Variants in KDM4B observed in about 807,000 individuals in gnomAD.
KDM4B encodes lysine demethylase 4B.
KDM4B carries 32 observed loss-of-function variants against 125.2 expected under a neutral mutation model. The observed-to-expected ratio is 0.26, with a 90% CI of 0.19 to 0.34. The LOEUF (loss-of-function observed/expected upper bound fraction) is 0.34. KDM4B is among the 10% of genes least tolerant of loss of function. The pLI is 1.00. For missense variants in KDM4B, 1,190 were observed against 1,577.7 expected (o/e 0.75, Z 4.16); for synonymous variants, 721 against 677.9 (o/e 1.06, Z -0.99).
At position 4,981,682 on chromosome 19, in the gene KDM4B, C is replaced by T. The variant is rs147687106; in HGVS notation, c.-109+12452C>T. ...AGCAGGTGACACTGCCAGGCACCGGCGGTGCTGTACAGTCAGCCCAGTGCC... is the reference window on the plus strand; with the variant it reads ...AGCAGGTGACACTGCCAGGCACCGGTGGTGCTGTACAGTCAGCCCAGTGCC... On this transcript the variant is annotated intron_variant, in intron 1 of 22. Coordinates refer to ENST00000159111, the MANE Select transcript of KDM4B (RefSeq NM_015015.3). 6.5e-3 allele frequency among the ~76,000 whole-genome samples: 988 copies of T among 152,280 alleles called. 11 individuals carry two copies. The highest frequency in any genetic ancestry group is 0.022 in the African/African-American group (932 of 41,552).
intron 3 of KDM4B, among the ~76,000 whole-genome samples, chr19:5,034,596 T>A (rs962494615): frequency 5.3e-5 from 8 of 152,206 alleles, no homozygotes; most frequent in African/African-American, 1.9e-4. Context: ...AGGGGCTGAT[T>A]CGGCCCGAGG....
At chr19:5,132,134 G>C in intron 13 of KDM4B, 127 bp downstream of exon 13, 1 of 1,205,272 alleles carries the variant, frequency 8.3e-7, no homozygotes, top group South Asian at 1.6e-5. Context: ...CTGAACCCAG[G>C]CCTTTCTGTG....
chr19:5,027,518 C>A (rs1053046885), intron 2 of KDM4B, among the ~76,000 whole-genome samples: 1 of 151,792 alleles, frequency 6.6e-6, no homozygotes, highest in African/African-American at 2.4e-5. Flanking sequence ...CATTCTTCCT[C>A]CCTCCCTTTC....
In KDM4B at chr19:5,060,433, C is replaced by CAAAAAAAAAAA. The variant is rs901472663; in HGVS notation, c.627-10557_627-10547dup. Among the ~76,000 whole-genome samples the CAAAAAAAAAAA allele has an allele frequency of 2.7e-3, 90 of 32,976 alleles. 14 individuals are homozygous for CAAAAAAAAAAA. The highest frequency in any genetic ancestry group is 0.019 in the East Asian group (12 of 634). 21.6% of individuals were successfully genotyped at this position (32,976 alleles called of 152,430 possible). A position where few individuals can be genotyped will look rare whatever the true frequency, so the allele number is the denominator to read the frequency against. On this transcript the variant is annotated intron_variant, in intron 6 of 22. Transcript: ENST00000159111. ...GGGTGACGGAGGAAGACTCTGTCTC[C>CAAAAAAAAAAA]AAAAAAAAAAAAAAAAAAAAAAAAA...
chr19:5,103,827 C>T (rs1340409059), intron 9 of KDM4B, among the ~76,000 whole-genome samples: 1 of 152,254 alleles, frequency 6.6e-6, no homozygotes, highest in Non-Finnish European at 1.5e-5. Context: ...GAGGCTCGCT[C>T]CACACCCTGT....
chr19:5,131,668 G>GAGGGGGCAGGTGGGGCCCAGGGGA, intron 12 of KDM4B, 123 bp downstream of exon 12: 1 of 645,938 alleles, frequency 1.5e-6, no homozygotes, highest in Non-Finnish European at 2.6e-6. Flanking sequence ...GGGACAGGAG[G>GAGGGGGCAGGTGGGGCCCAGGGGA]GCTGACTGCT....
chr19:5,127,975 CTG>C (rs1420910393), intron 11 of KDM4B, among the ~76,000 whole-genome samples: 2 of 152,204 alleles, frequency 1.3e-5, no homozygotes, highest in Non-Finnish European at 2.9e-5. Context: ...CAGCCCGGCT[CTG>C]TGTCTCTGGC....
At chr19:5,137,131 C>T (rs973141733) in intron 15 of KDM4B, 131 bp from the exon 16 acceptor site, 11 of 647,088 alleles carry the variant, frequency 1.7e-5, no homozygotes, top group Admixed American at 4.5e-5. Flanking sequence ...GCTGCAGCTG[C>T]GTGCGGAGGC....
chr19:5,036,381 C>G (rs1403073490), intron 3 of KDM4B, among the ~76,000 whole-genome samples: 1 of 152,234 alleles, frequency 6.6e-6, no homozygotes, highest in Non-Finnish European at 1.5e-5. Context: ...TGGCGGTGCC[C>G]TGGGTGCAGG....
At position 4,973,429 on chromosome 19, in the gene KDM4B, T is replaced by C. The variant is rs529811173; in HGVS notation, c.-109+4199T>C. ...GTCTCAAACTCCTGACCTCAAGTGATCCGCCTGCCTCGGCCTCCCAAAGTG... is the reference window on the plus strand; with the variant it reads ...GTCTCAAACTCCTGACCTCAAGTGACCCGCCTGCCTCGGCCTCCCAAAGTG... On this transcript the variant is annotated intron_variant, in intron 1 of 22. Coordinates refer to ENST00000159111, the MANE Select transcript of KDM4B (RefSeq NM_015015.3). 4.6e-5 allele frequency among the ~76,000 whole-genome samples: 7 copies of C among 152,256 alleles called. No homozygotes were observed. The East Asian group carries it at 1.4e-3, about 29-fold the overall frequency.
At chr19:5,113,621 C>G (rs1568305635) in intron 10 of KDM4B, among the ~76,000 whole-genome samples, 2 of 152,194 alleles carry the variant, frequency 1.3e-5, no homozygotes, top group Non-Finnish European at 2.9e-5. Context: ...CTTGTGGACA[C>G]AGGCGGGATC....
In KDM4B at chr19:5,151,797, A is replaced by G. The variant is rs1206793349; in HGVS notation, c.*286A>G. On this transcript the variant is annotated 3_prime_UTR_variant, in exon 23 of 23. Coordinates refer to ENST00000159111, the MANE Select transcript of KDM4B (RefSeq NM_015015.3). ...CTTCTTCTCGAAAAGGTGCTACTGC[A>G]ATGCCCTACTGAGCAACCTTTGAGA... 8.7e-6 allele frequency: 3 copies of G among 345,998 alleles called. No individual in the cohort carries two copies. The highest frequency in any genetic ancestry group is 4.2e-5 in the African/African-American group (2 of 47,468). The allele number at this position is 345,998 out of a possible 1,614,324, so 21.4% of individuals were successfully genotyped here.
chr19:5,133,946 C>G lies in KDM4B; in HGVS notation c.1970C>G (p.Ser657Cys). 6.2e-7 allele frequency: 1 copy of G among 1,613,138 alleles called. No homozygotes were observed. Among genetic ancestry groups the G allele is most frequent in the Non-Finnish European group, 8.5e-7 (1 of 1,179,946 alleles). ...CCGGACGCCTTGAGGCCGCTGCTGT[C>G]TCTGCAGTGGAAGAACAGGGCGGCC... ...SDPDALRPLLSLQWKNRAASF... is the reference protein window; with the variant it reads ...SDPDALRPLLCLQWKNRAASF... Residue 657 changes from serine (S) to cysteine (C), a missense_variant, in exon 14 of 23, where the codon TCT becomes TGT. By Grantham distance (112) the Ser-to-Cys change is moderately radical (BLOSUM62 -1). Coordinates refer to ENST00000159111, the MANE Select transcript of KDM4B (RefSeq NM_015015.3).
chr19:5,095,605 C>T (rs1326367678), intron 9 of KDM4B, among the ~76,000 whole-genome samples: 1 of 152,236 alleles, frequency 6.6e-6, no homozygotes, highest in Non-Finnish European at 1.5e-5. Context: ...GCTGGACGCC[C>T]CCACAGTGTG....
At chr19:5,053,942 G>A (rs1469579960) in intron 6 of KDM4B, among the ~76,000 whole-genome samples, 17 of 152,270 alleles carry the variant, frequency 1.1e-4, no homozygotes, top group Non-Finnish European at 1.5e-5. Context: ...TTTGAGGAGC[G>A]TGGCCGTGGG....
intron 6 of KDM4B, among the ~76,000 whole-genome samples, chr19:5,067,328 T>C (rs1019235555): frequency 6.6e-6 from 1 of 152,162 alleles, no homozygotes; most frequent in African/African-American, 2.4e-5. Flanking sequence ...TCTTCCTGCT[T>C]GCTTTGTCTT....
At chr19:5,022,368 C>A (rs1260409151) in intron 2 of KDM4B, among the ~76,000 whole-genome samples, 5 of 152,164 alleles carry the variant, frequency 3.3e-5, no homozygotes, top group Non-Finnish European at 7.3e-5. Flanking sequence ...ACAGGACCTC[C>A]GCCCGAGGGC....
intron 9 of KDM4B, among the ~76,000 whole-genome samples, chr19:5,087,963 G>A (rs1483890986): frequency 1.3e-5 from 2 of 152,214 alleles, no homozygotes; most frequent in Admixed American, 1.3e-4. Context: ...TAAGTCTCCT[G>A]TGTAGGAATC....
chr19:5,076,780 C>T (rs376732698), intron 7 of KDM4B: 10 of 148,284 alleles, frequency 6.7e-5, no homozygotes, highest in South Asian at 3.9e-4. Context: ...GACCGAGTGA[C>T]GAGAGCGGCC....
Sources: allele counts gnomAD v4.1 joint callset (sites outside exome capture counted in the v4.1 genomes callset), GRCh38; gene constraint gnomAD v4.1.1; transcripts MANE v1.5; gene names NCBI Gene and HGNC (gene_info 2026-07-23, HGNC 2026-07-21).